The following CASD1 variants were observed in gnomAD, a reference collection of about 807,000 sequenced individuals.
The protein encoded by CASD1 is CAS1 domain sialic acid O acetyltransferase 1, also known as N-acetylneuraminate (7)9-O-acetyltransferase.
A neutral mutation model predicts 100.0 loss-of-function variants in CASD1; 41 were observed. The ratio of observed to expected loss-of-function variants is 0.41; its 90% CI spans 0.32 to 0.53. The LOEUF (loss-of-function observed/expected upper bound fraction) is 0.53, where lower values mean the gene tolerates loss of function less well. CASD1 is among the 20% of genes least tolerant of loss of function. The probability of loss-of-function intolerance (pLI) is 0.25; values close to 1 mark genes in which losing one functional copy is unlikely to be tolerated. For synonymous variants in CASD1, 321 were observed against 315.6 expected, an observed-to-expected ratio of 1.02 and a Z score of -0.18; for missense variants, 774 against 948.7, an observed-to-expected ratio of 0.82 and a Z score of 2.42.
chr7:94,574,668 CA>C, the CASD1 span, among the ~76,000 whole-genome samples: 1,076 of 134,200 alleles, frequency 8.0e-3, 6 homozygotes, highest in African/African-American at 0.021. Flanking sequence ...TGATTTTTTT[CA>C]AAAAAAAAAA....
At chr7:94,597,015 T>A in the CASD1 span, among the ~76,000 whole-genome samples, 1 of 152,170 alleles carries the variant, frequency 6.6e-6, no homozygotes, top group Non-Finnish European at 1.5e-5. Context: ...ACAATATTCT[T>A]GAAATTTTAC....
the CASD1 span, chr7:94,621,511 G>C: frequency 2.0e-5 from 3 of 152,282 alleles, no homozygotes; most frequent in East Asian, 5.8e-4. Context: ...AACATCTATT[G>C]AGATGCCTTG....
At chr7:94,552,659 G>C (rs1422979115) in intron 16 of CASD1, among the ~76,000 whole-genome samples, 1 of 152,102 alleles carries the variant, frequency 6.6e-6, no homozygotes, top group African/African-American at 2.4e-5. Context: ...TCTGCCCTTA[G>C]AAAATGGTGG....
chr7:94,580,729 A>G, the CASD1 span, among the ~76,000 whole-genome samples: 6 of 152,208 alleles, frequency 3.9e-5, no homozygotes, highest in South Asian at 6.2e-4. Context: ...TTATTTCACA[A>G]TGCACATAGT....
At position 94,537,743 on chromosome 7, in the gene CASD1, G is replaced by T. The variant is rs758531041; in HGVS notation, c.1115G>T (p.Cys372Phe). Residue 372 changes from cysteine to phenylalanine, a missense_variant, in exon 9 of 18, where the codon TGC (cysteine) becomes TTC (phenylalanine). By Grantham distance (205) the Cys-to-Phe change is radical (BLOSUM62 -2). Coordinates refer to ENST00000297273, the MANE Select transcript of CASD1 (RefSeq NM_022900.5). ...TTAGAAATACTTTTACAATCTTTCT[G>T]CAAACTTGGCCTGATTATGGCATAT... ...SSLEILLQSF[C>F]KLGLIMAYFY... 6.8e-6 allele frequency: 11 copies of T among 1,613,614 alleles called. No homozygotes were observed. The African/African-American group carries it at 1.3e-4, about 20-fold the overall frequency.
chr7:94,551,563 A>G, intron 15 of CASD1, 85 bp downstream of exon 15: 3 of 567,204 alleles, frequency 5.3e-6, no homozygotes, highest in Non-Finnish European at 7.7e-6. Context: ...ATTTTTAATA[A>G]TAAATCTTTT....
the CASD1 span, among the ~76,000 whole-genome samples, chr7:94,596,750 AT>A: frequency 1.2e-4 from 19 of 152,162 alleles, no homozygotes; most frequent in Non-Finnish European, 2.6e-4. Flanking sequence ...TTCATAAACA[AT>A]TTGGTTAGCT....
the CASD1 span, chr7:94,599,080 C>A: frequency 1.4e-6 from 1 of 703,406 alleles, no homozygotes; most frequent in East Asian, 2.7e-5. Flanking sequence ...GACATTATGG[C>A]ACTTTGGGCA....
Position 94,549,570 on chromosome 7 carries a change from C to T in CASD1, c.1751C>T (p.Ser584Phe). The T allele has an allele frequency of 3.7e-6, 6 of 1,611,000 alleles. No individual in the cohort carries two copies. Among genetic ancestry groups the T allele is most frequent in the Non-Finnish European group, 5.1e-6 (6 of 1,178,370 alleles). Residue 584 changes from serine to phenylalanine, a missense_variant, in exon 14 of 18, where the codon TCC becomes TTC. Around this residue, in one of 5 missense-constraint regions of CASD1, gnomAD observed 453 missense variants for 532.6 expected, o/e 0.85. Coordinates refer to ENST00000297273, the MANE Select transcript of CASD1 (RefSeq NM_022900.5). ...AAGATCTTTTCTCTTTGGCCATTGT[C>T]CAAGTGTTTTGAACTGAAAGGGAAT... ...FEKIFSLWPL[S>F]KCFELKGNVY... is the part of the protein sequence containing the mutation.
chr7:94,513,340 A>AT (rs201286262), intron 1 of CASD1, among the ~76,000 whole-genome samples: 148 of 146,818 alleles, frequency 1.0e-3, no homozygotes, highest in Admixed American at 6.6e-3. Flanking sequence ...GAGTTTTTCT[A>AT]TTTTTTTTTC....
chr7:94,538,936 T>G lies in CASD1; in HGVS notation c.1267-31T>G, dbSNP rs773887579. The G allele has an allele frequency of 9.1e-6, 11 of 1,204,144 alleles. No individual in the cohort carries two copies. In the African/African-American group the frequency reaches 1.7e-4, roughly 19 times the overall value. The allele number at this position is 1,204,144 out of a possible 1,614,324, so 74.6% of individuals were successfully genotyped here. On this transcript the variant is annotated intron_variant, in intron 9 of 17. Transcript: ENST00000297273. ...CGTTAAATAATTTCTTCATGATAAATTTTAAAACAGATTTTGGTTCCTTTA... is the reference window on the plus strand; with the variant it reads ...CGTTAAATAATTTCTTCATGATAAAGTTTAAAACAGATTTTGGTTCCTTTA...
the CASD1 span, chr7:94,616,861 T>C: frequency 4.6e-5 from 7 of 152,194 alleles, no homozygotes; most frequent in East Asian, 1.2e-3. Context: ...AATGCTATTT[T>C]AAAAGACTCC....
chr7:94,621,255 G>A, the CASD1 span: 42 of 152,334 alleles, frequency 2.8e-4, no homozygotes, highest in African/African-American at 1.0e-3. Context: ...AAGGACAAAT[G>A]CATGGACTTT....
At chr7:94,586,823 C>T in the CASD1 span, 1 of 985,156 alleles carries the variant, frequency 1.0e-6, no homozygotes, top group South Asian at 4.7e-5. Flanking sequence ...TTAAATGTAC[C>T]AGAGGCACAA....
chr7:94,537,822 A>C lies in CASD1; in HGVS notation c.1194A>C (p.Thr398=). ...TCATGAAGGAAAACAAATTTTATAC[A>C]CATTCATCTTTCTTTATTCCAATTA... ...NLFMKENKFY[T]HSSFFIPIIY... Residue 398 remains threonine (T), a synonymous_variant, in exon 9 of 18, where the codon ACA becomes ACC. Transcript: ENST00000297273. 6.3e-7 allele frequency: 1 copy of C among 1,593,304 alleles called. No homozygotes were observed. The highest frequency in any genetic ancestry group is 2.2e-5 in the East Asian group (1 of 44,738).
the CASD1 span, among the ~76,000 whole-genome samples, chr7:94,565,748 C>T: frequency 6.6e-5 from 10 of 152,190 alleles, no homozygotes; most frequent in Admixed American, 4.6e-4. Context: ...GTCTCCTAAC[C>T]TCATCTAACC....
the CASD1 span, chr7:94,629,814 G>T: frequency 1.2e-6 from 2 of 1,610,916 alleles, no homozygotes; most frequent in South Asian, 1.1e-5. Flanking sequence ...ATTCCGATCG[G>T]AGTGTACCTT....
the CASD1 span, among the ~76,000 whole-genome samples, chr7:94,591,979 G>T: frequency 1.3e-5 from 2 of 152,122 alleles, no homozygotes; most frequent in African/African-American, 4.8e-5. Context: ...ACTTAGATGA[G>T]TTATATTAAA....
intron 3 of CASD1, chr7:94,524,342 A>G (rs1217193360): frequency 6.6e-6 from 1 of 152,154 alleles, no homozygotes; most frequent in Non-Finnish European, 1.5e-5. Flanking sequence ...GAAATATCAG[A>G]AACTGCAAAC....
Sources: gnomAD v4.1 joint callset for allele counts (sites outside exome capture counted in the v4.1 genomes callset) on GRCh38, gnomAD v4.1.1 for gene constraint, gnomAD v4.1.1 regional missense constraint, MANE v1.5 for transcripts, NCBI Gene and HGNC (gene_info 2026-07-23, HGNC 2026-07-21) for gene names.